Variants in SLC17A4 observed in about 807,000 individuals in gnomAD.
The protein encoded by SLC17A4 is solute carrier family 17 member 4.
A neutral mutation model predicts 52.5 loss-of-function variants in SLC17A4; 33 were observed. The ratio of observed to expected loss-of-function variants is 0.63; its 90% CI spans 0.48 to 0.84. The LOEUF is 0.84. Among genes scored for constraint, SLC17A4 ranks in the 40% least tolerant of loss-of-function variants. The pLI is 0.00. For synonymous variants in SLC17A4, 225 were observed against 216.2 expected, an observed-to-expected ratio of 1.04 and a Z score of -0.36; for missense variants, 585 against 597.1, an observed-to-expected ratio of 0.98 and a Z score of 0.21.
At chr6:25,777,354 T>A (rs1051023185) in intron 10 of SLC17A4, 1 of 178,840 alleles carries the variant, frequency 5.6e-6, no homozygotes, top group African/African-American at 2.4e-5. Context: ...CTGTCTCTGA[T>A]ACAGTAAAAA....
chr6:25,773,556 A>G lies in SLC17A4; in HGVS notation c.869A>G (p.Lys290Arg), dbSNP rs759770875. 2 of 1,613,940 alleles carry G rather than the reference A, an allele frequency of 1.2e-6. No individual in the cohort carries two copies. Among genetic ancestry groups the G allele is most frequent in the South Asian group, 2.2e-5 (2 of 91,074 alleles). ...GWSLPIRAMI[K>R]SLPLWAILVS... The stretch of plus-strand genomic sequence containing the variant: ...TCTCTTCCCATTAGGGCTATGATCA[A>G]ATCCTTACCACTCTGGGCCATTTTA... The change falls in exon 8 of 12, where the codon AAA (lysine) becomes AGA (arginine). Residue 290 changes from lysine (K) to arginine (R), a missense_variant. Transcript: ENST00000377905.
chr6:25,770,047 T>C lies in SLC17A4; in HGVS notation c.298-20T>C, dbSNP rs780626791. On this transcript the variant is annotated intron_variant, in intron 3 of 11. Coordinates refer to ENST00000377905, the MANE Select transcript of SLC17A4 (RefSeq NM_005495.3). ...CAATCCTTCAACTAAAGACAAACAG[T>C]AACTCTCTTTGTCATCTAGGCCCCT... 5.0e-6 allele frequency: 8 copies of C among 1,599,084 alleles called. No individual in the cohort carries two copies. The highest frequency in any genetic ancestry group is 2.2e-5 in the East Asian group (1 of 44,788).
intron 8 of SLC17A4, among the ~76,000 whole-genome samples, chr6:25,775,956 C>T (rs961892691): frequency 2.0e-5 from 3 of 152,130 alleles, no homozygotes; most frequent in Admixed American, 1.3e-4. Context: ...TTGAGCAATG[C>T]TGCAGTGAAA....
At chr6:25,778,265 G>GA (rs1027637621) in intron 11 of SLC17A4, among the ~76,000 whole-genome samples, 8 of 151,582 alleles carry the variant, frequency 5.3e-5, no homozygotes, top group Non-Finnish European at 7.4e-5. Context: ...TCATTTACTG[G>GA]AAAAAAACAC....
Position 25,776,883 on chromosome 6 carries a change from T to C in SLC17A4, c.1192T>C (p.Phe398Leu). ...ATCCAGCCACAGCATGACCATGACC[T>C]TCTTGGTGCTGTCTTCTGCCATCAG... ...VRSSHSMTMT[F>L]LVLSSAISSF... Residue 398 changes from phenylalanine (F) to leucine (L), a missense_variant, in exon 10 of 12, where the codon TTC (phenylalanine) becomes CTC (leucine). Physicochemically the swap from Phe to Leu is conservative, Grantham distance 22 (BLOSUM62 0). Transcript: ENST00000377905. 6.2e-7 allele frequency: 1 copy of C among 1,613,970 alleles called. No homozygotes were observed.
Position 25,770,938 on chromosome 6 carries a change from G to C in SLC17A4, c.632G>C (p.Gly211Ala). 6.2e-7 allele frequency: 1 copy of C among 1,613,652 alleles called. No homozygotes were observed. The highest frequency in any genetic ancestry group is 8.5e-7 in the Non-Finnish European group (1 of 1,179,648). The change falls in exon 6 of 12, where the codon GGG becomes GCG. Residue 211 changes from glycine to alanine, a missense_variant. Physicochemically the swap from Gly to Ala is moderately conservative, Grantham distance 60. Coordinates refer to ENST00000377905, the MANE Select transcript of SLC17A4 (RefSeq NM_005495.3). The stretch of plus-strand genomic sequence containing the variant: ...CTCTTCTGTTCAGGGTCAATGCTGG[G>C]GTCCTTCATTGTTCTACTTGCTGGT... Reference protein sequence around the residue: ...TTIAGSGSMLGSFIVLLAGGL... With the variant: ...TTIAGSGSMLASFIVLLAGGL...
chr6:25,770,222 G>A lies in SLC17A4; in HGVS notation c.453G>A (p.Leu151=). The part of the protein sequence containing the change: ...VGAGLFISSF[L]TLFIPLAANA... The stretch of plus-strand genomic sequence containing the variant: ...CTGGCTTGTTTATTTCCTCATTCCT[G>A]ACCCTCTTCATTCCACTGGCAGCTA... Residue 151 remains leucine, a synonymous_variant, in exon 4 of 12, where the codon CTG becomes CTA. Coordinates refer to ENST00000377905, the MANE Select transcript of SLC17A4 (RefSeq NM_005495.3). 1 of 1,614,022 alleles carries A rather than the reference G, an allele frequency of 6.2e-7. No individual in the cohort carries two copies. The highest frequency in any genetic ancestry group is 2.2e-5 in the East Asian group (1 of 44,884).
rs1207357315 is a variant in SLC17A4, at chr6:25,779,873, A to G, written c.*685A>G. 6.6e-6 allele frequency: 1 copy of G among 152,186 alleles called. No homozygotes were observed. Among genetic ancestry groups the G allele is most frequent in the South Asian group, 2.1e-4 (1 of 4,828 alleles). 9.4% of individuals were successfully genotyped at this position (152,186 alleles called of 1,614,324 possible). On this transcript the variant is annotated 3_prime_UTR_variant, in exon 12 of 12. Transcript: ENST00000377905. ...GCTTTGTGCAGATCTTTAACATGTTAGTGAACAGACATTGCCCAGTGTCTC... is the reference window on the plus strand; with the variant it reads ...GCTTTGTGCAGATCTTTAACATGTTGGTGAACAGACATTGCCCAGTGTCTC...
chr6:25,759,651 T>A (rs957600289), intron 1 of SLC17A4, among the ~76,000 whole-genome samples: 2 of 152,176 alleles, frequency 1.3e-5, no homozygotes, highest in African/African-American at 4.8e-5. Context: ...AGACTCCGTC[T>A]CAAAAAACAA....
chr6:25,756,439 C>T lies in SLC17A4; in HGVS notation c.-37+1658C>T, dbSNP rs182131899. On this transcript the variant is annotated intron_variant, in intron 1 of 11. Coordinates refer to ENST00000377905, the MANE Select transcript of SLC17A4 (RefSeq NM_005495.3). ...TGCCCTCCTCTCCTGATGCTAATGA[C>T]CTAGTTGCTGTCAATGCTACTCTTG... Among the ~76,000 whole-genome samples the T allele has an allele frequency of 5.3e-5, 8 of 152,256 alleles. No homozygotes were observed. The East Asian group carries it at 1.4e-3, about 26-fold the overall frequency.
Position 25,777,547 on chromosome 6 carries a change from C to T in SLC17A4, c.1269-379C>T, listed in dbSNP as rs1763026698. ...AGGGTATAAAAGTTACAAGATCAGA[C>T]TCAACAGCAGAAGCCAAAACAACAA... On this transcript the variant is annotated intron_variant, in intron 10 of 11. Coordinates refer to ENST00000377905, the MANE Select transcript of SLC17A4 (RefSeq NM_005495.3). The T allele has an allele frequency of 2.5e-5, 4 of 162,802 alleles. No homozygotes were observed. In the Admixed American group the frequency reaches 2.7e-4, roughly 11 times the overall value. The allele number at this position is 162,802 out of a possible 1,614,324, so 10.1% of individuals were successfully genotyped here. A position where few individuals can be genotyped will look rare whatever the true frequency, so the allele number is the denominator to read the frequency against.
Position 25,773,689 on chromosome 6 carries a change from A to G in SLC17A4, c.987+15A>G, listed in dbSNP as rs1444335195. On this transcript the variant is annotated intron_variant, in intron 8 of 11. Transcript: ENST00000377905. ...ACCTCAGAGATGTAAGTACAGAGAA[A>G]GCTCATTCTGATCTTCTGTTTAAAT... The G allele has an allele frequency of 6.2e-7, 1 of 1,609,670 alleles. No homozygotes were observed. Among genetic ancestry groups the G allele is most frequent in the South Asian group, 1.1e-5 (1 of 90,492 alleles).
intron 1 of SLC17A4, among the ~76,000 whole-genome samples, chr6:25,758,231 T>C (rs1313267776): frequency 2.6e-5 from 4 of 152,182 alleles, no homozygotes; most frequent in African/African-American, 7.2e-5. Context: ...GCAGCTCCTA[T>C]AATTTGACTT....
At chr6:25,769,478 A>C (rs1762293135) in intron 3 of SLC17A4, among the ~76,000 whole-genome samples, 1 of 151,968 alleles carries the variant, frequency 6.6e-6, no homozygotes, top group African/African-American at 2.4e-5. Flanking sequence ...GAATCTCTTG[A>C]ACTGGGGAGG....
rs531966156 is a variant in SLC17A4, at chr6:25,773,683, A to G, written c.987+9A>G. ...AAGCCAACCTCAGAGATGTAAGTAC[A>G]GAGAAAGCTCATTCTGATCTTCTGT... On this transcript the variant is annotated intron_variant, in intron 8 of 11. Transcript: ENST00000377905. 1 of 1,611,124 alleles carries G rather than the reference A, an allele frequency of 6.2e-7. No homozygotes were observed. Among genetic ancestry groups the G allele is most frequent in the African/African-American group, 1.3e-5 (1 of 74,854 alleles).
At chr6:25,756,700 A>C (rs1162175856) in intron 1 of SLC17A4, among the ~76,000 whole-genome samples, 1 of 152,194 alleles carries the variant, frequency 6.6e-6, no homozygotes, top group Non-Finnish European at 1.5e-5. Context: ...AAGTAAAAGG[A>C]GAGGGCAATT....
rs765451978 is a variant in SLC17A4 at position 25,770,376 on chromosome 6, C to T, written c.532-8C>T. ...TCAGATCTCCAAGAATGGAATTTTT[C>T]CCCCCAGGTTATGGTATTAACTGGT... On this transcript the variant is annotated splice_polypyrimidine_tract_variant and splice_region_variant and intron_variant, in intron 4 of 11. Coordinates refer to ENST00000377905, the MANE Select transcript of SLC17A4 (RefSeq NM_005495.3). 1.1e-5 allele frequency: 18 copies of T among 1,613,692 alleles called. No individual in the cohort carries two copies. The highest frequency in any genetic ancestry group is 6.7e-5 in the East Asian group (3 of 44,900).
At chr6:25,768,903 C>A in intron 2 of SLC17A4, 82 bp from the exon 3 acceptor site, 1 of 1,259,216 alleles carries the variant, frequency 7.9e-7, no homozygotes, top group Non-Finnish European at 1.1e-6. Flanking sequence ...CAGACAGATA[C>A]CAATCTTCTC....
At chr6:25,774,501 G>T (rs1015068567) in intron 8 of SLC17A4, among the ~76,000 whole-genome samples, 2 of 152,194 alleles carry the variant, frequency 1.3e-5, no homozygotes, top group Non-Finnish European at 2.9e-5. Context: ...ATGCAAGCAG[G>T]CTGCAGGCAC....
Sources: gnomAD v4.1 joint callset for allele counts (sites outside exome capture counted in the v4.1 genomes callset) on GRCh38, gnomAD v4.1.1 for gene constraint, MANE v1.5 for transcripts, NCBI Gene and HGNC (gene_info 2026-07-23, HGNC 2026-07-21) for gene names.